The following SCARA5 variants were observed in gnomAD, a reference collection of about 807,000 sequenced individuals.
SCARA5 encodes scavenger receptor class A member 5.
In SCARA5, 45 loss-of-function variants were observed where a neutral mutation model predicts 46.3. That is an observed-to-expected ratio of 0.97 (90% CI 0.76 to 1.24). The LOEUF is 1.24. SCARA5 is among the 50% of genes most tolerant of loss of function. The pLI, the probability that SCARA5 is intolerant of heterozygous loss-of-function variation, is 0.00. For synonymous variants in SCARA5, 333 were observed against 306.5 expected (o/e 1.09, Z -0.90); for missense variants, 680 against 689.0 (o/e 0.99, Z 0.15).
intron 3 of SCARA5, among the ~76,000 whole-genome samples, chr8:27,965,735 T>C (rs1808359107): frequency 1.3e-5 from 2 of 152,300 alleles, no homozygotes; most frequent in African/African-American, 4.8e-5. Context: ...CAGCCCTTCC[T>C]TTCAAAGGGA....
chr8:27,930,634 T>C (rs568242757), intron 3 of SCARA5, among the ~76,000 whole-genome samples: 1 of 152,310 alleles, frequency 6.6e-6, no homozygotes, highest in East Asian at 1.9e-4. Flanking sequence ...ACTCCGGACC[T>C]CAGGTGATCC....
intron 3 of SCARA5, among the ~76,000 whole-genome samples, chr8:27,948,573 G>A (rs1002746131): frequency 7.2e-5 from 11 of 152,216 alleles, no homozygotes; most frequent in Non-Finnish European, 1.0e-4. Flanking sequence ...GGTTCCATGT[G>A]TTTGGGATTT....
chr8:27,896,652 A>G (rs2726967), intron 7 of SCARA5, among the ~76,000 whole-genome samples: 146,100 of 152,158 alleles, frequency 0.96, 70,442 homozygotes, highest in East Asian at 1. Flanking sequence ...AGGCACCATG[A>G]CAAGTGACTT....
At position 27,921,783 on chromosome 8, in the gene SCARA5, G is replaced by A; in HGVS notation, c.704C>T (p.Ser235Phe). 1 of 1,572,348 alleles carries A rather than the reference G, an allele frequency of 6.4e-7. No individual in the cohort carries two copies. Among genetic ancestry groups the A allele is most frequent in the Non-Finnish European group, 8.6e-7 (1 of 1,163,412 alleles). ...CGTGCGGTGGAGGGCCACGTCGTAG[G>A]ACAGGCTGTGGTTGAGGCCGCGCAG... ...GVLRGLNHSL[S>F]YDVALHRTRL... Residue 235 changes from serine (S) to phenylalanine (F), a missense_variant, in exon 4 of 9, where the codon TCC (serine) becomes TTC (phenylalanine). Physicochemically the swap from Ser to Phe is radical, Grantham distance 155 (BLOSUM62 -2). Around this residue, in one of 3 missense-constraint regions of SCARA5, gnomAD observed 438 missense variants for 384.5 expected, o/e 1.14. Coordinates refer to ENST00000354914, the MANE Select transcript of SCARA5 (RefSeq NM_173833.6).
At chr8:27,929,735 A>C (rs1392770833) in intron 3 of SCARA5, among the ~76,000 whole-genome samples, 1 of 152,212 alleles carries the variant, frequency 6.6e-6, no homozygotes, top group African/African-American at 2.4e-5. Context: ...CGGAGCAGGA[A>C]AGGAGATGAC....
chr8:27,911,615 C>T (rs553761747), intron 4 of SCARA5, among the ~76,000 whole-genome samples: 11 of 152,090 alleles, frequency 7.2e-5, no homozygotes, highest in Non-Finnish European at 1.5e-4. Context: ...CGCCTGAATC[C>T]GGGAGGCAGA....
At chr8:27,889,212 G>A (rs1276503620) in intron 7 of SCARA5, among the ~76,000 whole-genome samples, 1 of 152,186 alleles carries the variant, frequency 6.6e-6, no homozygotes, top group Non-Finnish European at 1.5e-5. Context: ...GCATGGGTCT[G>A]GACAAGGAAT....
At chr8:27,943,724 GA>G (rs1384040893) in intron 3 of SCARA5, among the ~76,000 whole-genome samples, 2 of 152,192 alleles carry the variant, frequency 1.3e-5, no homozygotes, top group Non-Finnish European at 2.9e-5. Flanking sequence ...GGTCAGAGAG[GA>G]AAACAGCAAT....
intron 8 of SCARA5, among the ~76,000 whole-genome samples, chr8:27,874,419 T>C (rs781130345): frequency 6.6e-6 from 1 of 152,208 alleles, no homozygotes; most frequent in African/African-American, 2.4e-5. Context: ...GTCCACAGCA[T>C]GTAACACTCA....
intron 4 of SCARA5, among the ~76,000 whole-genome samples, chr8:27,917,673 T>G (rs937680889): frequency 6.6e-6 from 1 of 152,230 alleles, no homozygotes; most frequent in Admixed American, 6.5e-5. Context: ...TAAGACCTTT[T>G]TGCAGGATGT....
chr8:27,987,694 C>T, intron 1 of SCARA5, 64 bp from the exon 2 acceptor site: 2 of 970,282 alleles, frequency 2.1e-6, no homozygotes, highest in Admixed American at 1.8e-5. Flanking sequence ...AGAGAATCAA[C>T]TGTAGGTGGA....
At chr8:27,874,408 A>G (rs2129654468) in intron 8 of SCARA5, among the ~76,000 whole-genome samples, 1 of 152,358 alleles carries the variant, frequency 6.6e-6, no homozygotes, top group East Asian at 1.9e-4. Flanking sequence ...ACACAGCCAC[A>G]GTCCACAGCA....
intron 2 of SCARA5, among the ~76,000 whole-genome samples, chr8:27,976,696 C>T (rs1808528476): frequency 6.6e-6 from 1 of 152,148 alleles, no homozygotes; most frequent in Non-Finnish European, 1.5e-5. Context: ...GAGAGCCTCC[C>T]CTGCCACTTG....
At chr8:27,904,601 G>A (rs1029963195) in intron 7 of SCARA5, 177 bp downstream of exon 7, 8 of 703,196 alleles carry the variant, frequency 1.1e-5, no homozygotes, top group Non-Finnish European at 2.0e-5. Flanking sequence ...TGCCCCTGGG[G>A]TCTATCAGCA....
chr8:27,908,692 G>C (rs1807313907), intron 5 of SCARA5, among the ~76,000 whole-genome samples: 1 of 152,026 alleles, frequency 6.6e-6, no homozygotes, highest in Non-Finnish European at 1.5e-5. Flanking sequence ...CAGAATTATT[G>C]ATCTAGCACA....
chr8:27,979,397 C>A (rs1193459194), intron 2 of SCARA5, among the ~76,000 whole-genome samples: 1 of 152,142 alleles, frequency 6.6e-6, no homozygotes, highest in Non-Finnish European at 1.5e-5. Flanking sequence ...TGGAATAACT[C>A]ACGTAACCCT....
intron 3 of SCARA5, among the ~76,000 whole-genome samples, chr8:27,944,548 G>C (rs1808002317): frequency 6.6e-6 from 1 of 152,072 alleles, no homozygotes; most frequent in South Asian, 2.1e-4. Flanking sequence ...CTTCTCTGTA[G>C]GTTTAACATT....
At chr8:27,923,694 G>T (rs554829296) in intron 3 of SCARA5, among the ~76,000 whole-genome samples, 3 of 152,170 alleles carry the variant, frequency 2.0e-5, no homozygotes, top group Admixed American at 2.0e-4. Flanking sequence ...TCCTGCCTCG[G>T]CCTCCCAAGT....
chr8:27,942,980 G>A (rs1807976513), intron 3 of SCARA5, among the ~76,000 whole-genome samples: 1 of 152,196 alleles, frequency 6.6e-6, no homozygotes, highest in African/African-American at 2.4e-5. Context: ...TCAGATGAGA[G>A]TAAGAAGCAT....
Sources: allele counts gnomAD v4.1 joint callset (sites outside exome capture counted in the v4.1 genomes callset), GRCh38; gene constraint gnomAD v4.1.1; regional missense constraint gnomAD v4.1.1; transcripts MANE v1.5; gene names NCBI Gene and HGNC (gene_info 2026-07-23, HGNC 2026-07-21).